The following GSE1 variants were observed in gnomAD, a reference collection of about 807,000 sequenced individuals.
GSE1 encodes the protein Gse1 coiled-coil protein.
A neutral mutation model predicts 112.6 loss-of-function variants in GSE1; 32 were observed. The observed-to-expected ratio is 0.28, with a 90% CI of 0.21 to 0.38. The LOEUF is 0.38. Ranked by LOEUF, GSE1 falls within the 10% of genes least tolerant of loss-of-function variation. The pLI, the probability that GSE1 is intolerant of heterozygous loss-of-function variation, is 1.00. For missense variants in GSE1, 2,348 were observed against 1,699.2 expected, an observed-to-expected ratio of 1.38 and a Z score of -6.71; for synonymous variants, 1,115 against 735.6, an observed-to-expected ratio of 1.52 and a Z score of -8.35.
intron 1 of GSE1, among the ~76,000 whole-genome samples, chr16:85,205,853 C>G (rs1311327173): frequency 6.6e-6 from 1 of 152,204 alleles, no homozygotes; most frequent in East Asian, 1.9e-4. Context: ...CTGACTCATT[C>G]ATTCATCTGG....
intron 1 of GSE1, among the ~76,000 whole-genome samples, chr16:85,177,099 G>A (rs1330243491): frequency 6.6e-6 from 1 of 152,234 alleles, no homozygotes; most frequent in African/African-American, 2.4e-5. Context: ...CCTAAACCCG[G>A]AGGCAGTCGG....
intron 2 of GSE1, among the ~76,000 whole-genome samples, chr16:85,473,465 G>A (rs750506619): frequency 6.6e-6 from 1 of 152,198 alleles, no homozygotes; most frequent in Non-Finnish European, 1.5e-5. Context: ...GAGGCTGGAA[G>A]TGTGAAATCT....
intron 2 of GSE1, among the ~76,000 whole-genome samples, chr16:85,528,619 C>T (rs371183889): frequency 6.6e-6 from 1 of 151,396 alleles, no homozygotes; most frequent in Non-Finnish European, 1.5e-5. Flanking sequence ...ACCCACTGCA[C>T]CCAGCCGTGG....
At chr16:85,480,581 C>G (rs531860044) in intron 2 of GSE1, among the ~76,000 whole-genome samples, 1 of 152,348 alleles carries the variant, frequency 6.6e-6, no homozygotes, top group South Asian at 2.1e-4. Context: ...CCACCCAGAA[C>G]AAATCACATG....
intron 2 of GSE1, among the ~76,000 whole-genome samples, chr16:85,357,915 C>T (rs1597476733): frequency 6.6e-6 from 1 of 152,116 alleles, no homozygotes; most frequent in African/African-American, 2.4e-5. Context: ...TGTTTATTTA[C>T]CTATACACTC....
chr16:85,177,516 C>T (rs746475356), intron 1 of GSE1, among the ~76,000 whole-genome samples: 2 of 152,198 alleles, frequency 1.3e-5, no homozygotes, highest in East Asian at 1.9e-4. Flanking sequence ...CCTCACTGGG[C>T]GACCTTCATC....
At chr16:85,479,188 AT>A (rs59825091) in intron 2 of GSE1, among the ~76,000 whole-genome samples, 91 of 82,474 alleles carry the variant, frequency 1.1e-3, no homozygotes, top group South Asian at 3.6e-3. Flanking sequence ...TGCCCGGCTA[AT>A]TTTTTTTTTT....
chr16:85,302,988 G>C (rs2151464477), intron 1 of GSE1, among the ~76,000 whole-genome samples: 1 of 152,380 alleles, frequency 6.6e-6, no homozygotes, highest in South Asian at 2.1e-4. Flanking sequence ...GTGATGAGCA[G>C]AGGATGGCAC....
chr16:85,408,149 TACACTCA>T (rs2048363263), intron 2 of GSE1, among the ~76,000 whole-genome samples: 1 of 44,734 alleles, frequency 2.2e-5, no homozygotes, highest in Non-Finnish European at 4.5e-5. Context: ...TCCTCACTGT[TACACTCA>T]GGGCCCCCCG....
intron 2 of GSE1, among the ~76,000 whole-genome samples, chr16:85,420,033 A>G (rs2048796102): frequency 6.6e-6 from 1 of 152,192 alleles, no homozygotes; most frequent in Non-Finnish European, 1.5e-5. Context: ...GCTGAACAGA[A>G]CAAGTCCCTG....
In GSE1 at chr16:85,655,786, C is replaced by T. The variant is rs138993136; in HGVS notation, c.858C>T (p.Pro286=). Residue 286 remains proline, a synonymous_variant, in exon 6 of 16, where the codon CCC becomes CCT. Coordinates refer to ENST00000253458, the MANE Select transcript of GSE1 (RefSeq NM_014615.5). The part of the protein sequence containing the change: ...LRSPFYPIPT[P]GSLPPLHPSA... Reference sequence around the variant, plus strand: ...CCCCGTTCTACCCCATCCCCACCCCCGGCTCCCTGCCCCCACTGCACCCAT... The same window carrying T: ...CCCCGTTCTACCCCATCCCCACCCCTGGCTCCCTGCCCCCACTGCACCCAT... 888 of 1,609,632 alleles carry T rather than the reference C, an allele frequency of 5.5e-4. 5 individuals are homozygous for T. The African/African-American group carries it at 9.2e-3, about 17-fold the overall frequency.
chr16:85,224,270 C>G (rs1490538124), intron 1 of GSE1, among the ~76,000 whole-genome samples: 2 of 122,834 alleles, frequency 1.6e-5, no homozygotes, highest in African/African-American at 6.6e-5. Flanking sequence ...GGTTTCATAA[C>G]CCTTATGAAA....
intron 1 of GSE1, among the ~76,000 whole-genome samples, chr16:85,560,813 T>C (rs1372094631): frequency 6.6e-6 from 1 of 151,842 alleles, no homozygotes; most frequent in Non-Finnish European, 1.5e-5. Context: ...GGGCCAGTAA[T>C]AACGATCCTA....
intron 2 of GSE1, among the ~76,000 whole-genome samples, chr16:85,644,047 G>A (rs1259344243): frequency 6.6e-6 from 1 of 152,180 alleles, no homozygotes; most frequent in African/African-American, 2.4e-5. Flanking sequence ...AGGGTGGTGG[G>A]GCAGGCACCG....
chr16:85,648,712 C>A lies in GSE1; in HGVS notation c.387C>A (p.Thr129=). ...STPPVVTIAP[T]KTVNGVWRSE... ...CCCCCGTGGTGACCATCGCTCCAACCAAAACCGTGAATGGTGTCTGGAGGA... is the reference window on the plus strand; with the variant it reads ...CCCCCGTGGTGACCATCGCTCCAACAAAAACCGTGAATGGTGTCTGGAGGA... Residue 129 remains threonine, a synonymous_variant, in exon 3 of 16, where the codon ACC becomes ACA. Coordinates refer to ENST00000253458, the MANE Select transcript of GSE1 (RefSeq NM_014615.5). 6.2e-7 allele frequency: 1 copy of A among 1,608,322 alleles called. No homozygotes were observed. The highest frequency in any genetic ancestry group is 2.3e-5 in the East Asian group (1 of 44,334).
chr16:85,472,745 C>T lies in GSE1; in HGVS notation c.2464+115102C>T, dbSNP rs530092494. Among the ~76,000 whole-genome samples, 10 of 152,318 alleles carry T rather than the reference C, an allele frequency of 6.6e-5. No homozygotes were observed. The South Asian group carries it at 1.0e-3, about 16-fold the overall frequency. On this transcript the variant is annotated intron_variant, in intron 2 of 2. Transcript: ENST00000637419. ...TCTGCCACCGGGAAATGACTTTAAA[C>T]GGCCTAAAGGCTAAGGACAAGATCC...
Position 85,668,272 on chromosome 16 carries a change from C to T in GSE1, c.3263C>T (p.Ala1088Val). 2 of 1,613,106 alleles carry T rather than the reference C, an allele frequency of 1.2e-6. No individual in the cohort carries two copies. Among genetic ancestry groups the T allele is most frequent in the Non-Finnish European group, 1.7e-6 (2 of 1,179,192 alleles). Residue 1088 changes from alanine (A) to valine (V), a missense_variant, in exon 14 of 16, where the codon GCA becomes GTA. Physicochemically the swap from Ala to Val is moderately conservative, Grantham distance 64. Transcript: ENST00000253458. ...QHNGQQEPPT[A>V]RKGPPTQELD... Reference sequence around the variant, plus strand: ...AATGGGCAGCAGGAGCCCCCCACTGCAAGGAAGGGCCCCCCAACCCAGGAG... The same window carrying T: ...AATGGGCAGCAGGAGCCCCCCACTGTAAGGAAGGGCCCCCCAACCCAGGAG...
At chr16:85,446,585 G>C (rs1160221823) in intron 2 of GSE1, among the ~76,000 whole-genome samples, 3 of 152,302 alleles carry the variant, frequency 2.0e-5, no homozygotes, top group East Asian at 3.9e-4. Context: ...GGAGTGGAGA[G>C]CAGAGGGTAG....
At chr16:85,231,409 GGGATGGATGGATGGATGGAT>G (rs56082032) in intron 1 of GSE1, among the ~76,000 whole-genome samples, 1 of 147,810 alleles carries the variant, frequency 6.8e-6, no homozygotes, top group Non-Finnish European at 1.5e-5. Flanking sequence ...GCTGGACAGA[GGGATGGATGGATGGATGGAT>G]GGACAGATGA....
Sources: gnomAD v4.1 joint callset for allele counts (sites outside exome capture counted in the v4.1 genomes callset) on GRCh38, gnomAD v4.1.1 for gene constraint, MANE v1.5 for transcripts, NCBI Gene and HGNC (gene_info 2026-07-23, HGNC 2026-07-21) for gene names.